The following ESR1 variants were observed in gnomAD, a reference collection of about 807,000 sequenced individuals.
The protein encoded by ESR1 is estrogen receptor.
A neutral mutation model predicts 52.7 loss-of-function variants in ESR1; 12 were observed. The ratio of observed to expected loss-of-function variants is 0.23; its 90% CI spans 0.15 to 0.37. The LOEUF (loss-of-function observed/expected upper bound fraction) is 0.37, where lower values mean the gene tolerates loss of function less well. Among genes scored for constraint, ESR1 ranks in the 10% least tolerant of loss-of-function variants. ESR1 has a pLI of 1.00. For missense variants in ESR1, 584 were observed against 779.7 expected, an observed-to-expected ratio of 0.75 and a Z score of 2.99; for synonymous variants, 305 against 316.8, an observed-to-expected ratio of 0.96 and a Z score of 0.39.
At chr6:152,114,848 G>A (rs1259373217) in intron 6 of ESR1, among the ~76,000 whole-genome samples, 4 of 123,180 alleles carry the variant, frequency 3.2e-5, no homozygotes, top group African/African-American at 1.3e-4. Context: ...CCGAGATCGC[G>A]CCACTGCACT....
chr6:151,996,255 CCTT>C (rs1240665393), intron 4 of ESR1, among the ~76,000 whole-genome samples: 2 of 152,118 alleles, frequency 1.3e-5, no homozygotes, highest in Non-Finnish European at 2.9e-5. Context: ...GTGTTATGGT[CCTT>C]CTCAGTTTGC....
At chr6:151,725,713 G>A (rs951745784) in intron 2 of ESR1, among the ~76,000 whole-genome samples, 1 of 152,164 alleles carries the variant, frequency 6.6e-6, no homozygotes, top group African/African-American at 2.4e-5. Flanking sequence ...TGCATATTGA[G>A]CATTTTCTAC....
intron 6 of ESR1, among the ~76,000 whole-genome samples, chr6:152,070,180 T>C (rs546490470): frequency 7.3e-6 from 1 of 137,106 alleles, no homozygotes; most frequent in Admixed American, 6.8e-5. Flanking sequence ...TGTAGTACTC[T>C]CTATTTCAAA....
intron 5 of ESR1, among the ~76,000 whole-genome samples, chr6:152,041,993 CA>C (rs2045842968): frequency 6.6e-6 from 1 of 152,222 alleles, no homozygotes; most frequent in South Asian, 2.1e-4. Context: ...TGTCATTTTA[CA>C]AGATCCATCT....
intron 3 of ESR1, among the ~76,000 whole-genome samples, chr6:151,899,560 TGGCCGGGCG>T: frequency 6.9e-6 from 1 of 144,052 alleles, no homozygotes; most frequent in Middle Eastern, 3.7e-3. Context: ...ACGGGGCGGC[TGGCCGGGCG>T]GGGAGCTGAC....
exon 7 of ESR1, chr6:152,127,363 AACAC>A (rs2053837979): frequency 6.6e-6 from 1 of 152,162 alleles, no homozygotes; most frequent in Admixed American, 6.5e-5. Context: ...AATGAGGTAA[AACAC>A]ATACAATGCT....
chr6:151,890,533 T>C (rs1794556445), intron 3 of ESR1, among the ~76,000 whole-genome samples: 3 of 152,234 alleles, frequency 2.0e-5, no homozygotes, highest in Admixed American at 2.0e-4. Flanking sequence ...GTTTGAACTT[T>C]CATTATTGAT....
At chr6:151,973,599 A>C (rs1285070564) in intron 4 of ESR1, among the ~76,000 whole-genome samples, 1 of 152,170 alleles carries the variant, frequency 6.6e-6, no homozygotes, top group African/African-American at 2.4e-5. Flanking sequence ...CAGCCTCCGC[A>C]GGCCCTCTGT....
intron 1 of ESR1, among the ~76,000 whole-genome samples, chr6:151,674,585 A>T (rs2115267539): frequency 6.6e-6 from 1 of 152,286 alleles, no homozygotes; most frequent in Middle Eastern, 3.4e-3. Context: ...CTGGTTCTAG[A>T]TCCTTGAGGA....
downstream of ESR1, among the ~76,000 whole-genome samples, chr6:152,105,647 A>G (rs990678586): frequency 4.6e-5 from 7 of 151,848 alleles, no homozygotes; most frequent in African/African-American, 1.7e-4. Flanking sequence ...GCTGGTCTTG[A>G]ACTCCTGACC....
At chr6:151,768,976 A>C (rs75366564) in intron 2 of ESR1, among the ~76,000 whole-genome samples, 2,483 of 152,296 alleles carry the variant, frequency 0.016, 78 homozygotes, top group African/African-American at 0.058. Flanking sequence ...GCTATGTAGA[A>C]AAATATAGCT....
At chr6:151,920,310 T>C (rs1312099449) in intron 3 of ESR1, among the ~76,000 whole-genome samples, 1 of 152,032 alleles carries the variant, frequency 6.6e-6, no homozygotes, top group African/African-American at 2.4e-5. Context: ...GCTTTTTTTT[T>C]TTTTTGAAGA....
chr6:152,090,099 A>T (rs562907346), intron 6 of ESR1, among the ~76,000 whole-genome samples: 4 of 152,188 alleles, frequency 2.6e-5, no homozygotes, highest in Non-Finnish European at 5.9e-5. Flanking sequence ...TAGGAGAAGC[A>T]TACAACAAAC....
chr6:151,687,573 T>A (rs1778738888), upstream of ESR1, among the ~76,000 whole-genome samples: 1 of 152,204 alleles, frequency 6.6e-6, no homozygotes, highest in African/African-American at 2.4e-5. Flanking sequence ...ATAAAAAACC[T>A]GATTTTTTAT....
At chr6:152,012,363 G>C (rs1260867870) in intron 5 of ESR1, among the ~76,000 whole-genome samples, 1 of 147,740 alleles carries the variant, frequency 6.8e-6, no homozygotes, top group African/African-American at 2.5e-5. Flanking sequence ...TTTTTTTTCA[G>C]TCATTGCTTA....
At chr6:151,673,978 T>C (rs1247923462) in intron 1 of ESR1, among the ~76,000 whole-genome samples, 1 of 152,190 alleles carries the variant, frequency 6.6e-6, no homozygotes, top group Non-Finnish European at 1.5e-5. Context: ...TACAACCAAG[T>C]GATTTTTCTC....
At chr6:151,694,308 C>A (rs189532647) in intron 1 of ESR1, among the ~76,000 whole-genome samples, 1 of 152,180 alleles carries the variant, frequency 6.6e-6, no homozygotes, top group African/African-American at 2.4e-5. Flanking sequence ...ATGAATTTGG[C>A]CTTGGGAAAG....
rs188724282 is a variant in ESR1 at position 152,073,853 on chromosome 6, T to G, written c.1369+12729T>G. 7.9e-5 allele frequency among the ~76,000 whole-genome samples: 12 copies of G among 152,304 alleles called. No individual in the cohort carries two copies. The East Asian group carries it at 2.3e-3, about 29-fold the overall frequency. Reference sequence around the variant, plus strand: ...GCATCTGCAACCCCACTTCCTTCACTTCCTTTCGCCTCAGTTTCCCAACAA... The same window carrying G: ...GCATCTGCAACCCCACTTCCTTCACGTCCTTTCGCCTCAGTTTCCCAACAA... On this transcript the variant is annotated intron_variant, in intron 6 of 7. Coordinates refer to ENST00000206249, the MANE Select transcript of ESR1 (RefSeq NM_000125.4).
intron 2 of ESR1, among the ~76,000 whole-genome samples, chr6:151,798,653 A>G (rs966496268): frequency 1.3e-5 from 2 of 152,240 alleles, no homozygotes; most frequent in Non-Finnish European, 2.9e-5. Flanking sequence ...CCCAATGAGT[A>G]TGATAGCTTC....
Sources: gnomAD v4.1 joint callset for allele counts (sites outside exome capture counted in the v4.1 genomes callset) on GRCh38, gnomAD v4.1.1 for gene constraint, MANE v1.5 for transcripts, NCBI Gene and HGNC (gene_info 2026-07-23, HGNC 2026-07-21) for gene names.